The following RAD17 variants were observed in gnomAD, a reference collection of about 807,000 sequenced individuals.
RAD17 encodes the protein RAD17 checkpoint clamp loader component, also known as cell cycle checkpoint protein RAD17.
Under a neutral mutation model 81.5 loss-of-function variants are expected in RAD17, and 31 were observed. The observed-to-expected ratio is 0.38, with a 90% CI of 0.29 to 0.51. The LOEUF (loss-of-function observed/expected upper bound fraction) is 0.51, where lower values mean the gene tolerates loss of function less well. Among genes scored for constraint, RAD17 ranks in the 20% least tolerant of loss-of-function variants. The probability of loss-of-function intolerance (pLI) is 0.88; values close to 1 mark genes in which losing one functional copy is unlikely to be tolerated. For missense variants in RAD17, 681 were observed against 781.2 expected (o/e 0.87, Z 1.53); for synonymous variants, 261 against 266.2 (o/e 0.98, Z 0.19).
chr5:69,401,761 G>A (rs1256048491), intron 17 of RAD17, among the ~76,000 whole-genome samples: 5 of 151,872 alleles, frequency 3.3e-5, no homozygotes, highest in Admixed American at 6.6e-5. Context: ...GCCAAGACGG[G>A]CGGATCACAA....
Position 69,372,148 on chromosome 5 carries a change from A to G in RAD17, c.-61A>G. 1 of 1,567,002 alleles carries G rather than the reference A, an allele frequency of 6.4e-7. No homozygotes were observed. Among genetic ancestry groups the G allele is most frequent in the Non-Finnish European group, 8.7e-7 (1 of 1,151,786 alleles). ...AATGAAAGATATTTTCATACTCTCA[A>G]AAATATAGAGGAAAGGGGCCAAGAT... is the stretch of plus-strand genomic sequence containing the variant. On this transcript the variant is annotated 5_prime_UTR_variant, in exon 4 of 19. Transcript: ENST00000354868.
rs1428127552 is a variant in RAD17 at position 69,374,098 on chromosome 5, G to A, written c.267+11G>A. The stretch of plus-strand genomic sequence containing the variant: ...AAACCAGAAACTCAGGTACTGAAAA[G>A]CATGCAGACATATCTACATAATTTA... On this transcript the variant is annotated intron_variant, in intron 5 of 18. Coordinates refer to ENST00000354868, the MANE Select transcript of RAD17 (RefSeq NM_133338.3). 1.3e-6 allele frequency: 2 copies of A among 1,597,768 alleles called. No homozygotes were observed. Among genetic ancestry groups the A allele is most frequent in the South Asian group, 2.3e-5 (2 of 88,822 alleles).
chr5:69,369,353 C>A (rs1762737706), upstream of RAD17: 2 of 1,251,146 alleles, frequency 1.6e-6, no homozygotes, highest in Non-Finnish European at 1.1e-6. Context: ...TGGCCCTCGG[C>A]CGGCCTCTGA....
chr5:69,396,810 G>A (rs1038777230), intron 16 of RAD17, among the ~76,000 whole-genome samples: 2 of 151,960 alleles, frequency 1.3e-5, no homozygotes, highest in Non-Finnish European at 2.9e-5. Context: ...GAATCAAAGC[G>A]TAGTTACATT....
In RAD17 at chr5:69,374,699, GCAA is replaced by G; in HGVS notation, c.341_343del (p.Gln114del). The stretch of plus-strand genomic sequence containing the variant: ...GGTTAAAAGCTCAAGTTTTAGAAAG[GCAA>G]CCAAAACAGGTAACTAAGAAATGTG... On this transcript the variant is annotated inframe_deletion, in exon 6 of 19. Transcript: ENST00000354868. The G allele has an allele frequency of 6.2e-7, 1 of 1,609,330 alleles. No individual in the cohort carries two copies. The highest frequency in any genetic ancestry group is 8.5e-7 in the Non-Finnish European group (1 of 1,177,514).
At chr5:69,383,791 C>G (rs1418902189) in intron 7 of RAD17, among the ~76,000 whole-genome samples, 1 of 152,170 alleles carries the variant, frequency 6.6e-6, no homozygotes, top group Admixed American at 6.5e-5. Context: ...GCTGGGACTA[C>G]AGACGTGTGT....
At chr5:69,400,264 C>T in intron 17 of RAD17, 95 bp downstream of exon 17, 1 of 891,212 alleles carries the variant, frequency 1.1e-6, no homozygotes, top group Non-Finnish European at 1.5e-6. Flanking sequence ...ACTGTCCAGG[C>T]TGGATTGCGG....
intron 12 of RAD17, 101 bp from the exon 13 acceptor site, chr5:69,391,728 CAA>C: frequency 1.0e-6 from 1 of 970,132 alleles, no homozygotes; most frequent in Non-Finnish European, 1.4e-6. Context: ...ATTAGGAAAA[CAA>C]ATTGTAATTA....
rs754005473 is a variant in RAD17, at chr5:69,389,168, T to C, written c.1006+23T>C. On this transcript the variant is annotated intron_variant, in intron 12 of 18. Coordinates refer to ENST00000354868, the MANE Select transcript of RAD17 (RefSeq NM_133338.3). ...AAGGTAACTATGGAAGATACAGTCA[T>C]GTGGCATTATATAGGTGACTGACTT... 4 of 1,416,410 alleles carry C rather than the reference T, an allele frequency of 2.8e-6. No individual in the cohort carries two copies. In the South Asian group the frequency reaches 3.9e-5, roughly 14 times the overall value. 87.7% of individuals were successfully genotyped at this position (1,416,410 alleles called of 1,614,324 possible). A position where few individuals can be genotyped will look rare whatever the true frequency, so the allele number is the denominator to read the frequency against.
chr5:69,412,305 TTTTA>T (rs1766062044), intron 18 of RAD17, among the ~76,000 whole-genome samples: 1 of 152,174 alleles, frequency 6.6e-6, no homozygotes, highest in Non-Finnish European at 1.5e-5. Flanking sequence ...TGGTACTATC[TTTTA>T]TTTATGTTGA....
chr5:69,409,526 TATGC>T lies in RAD17; in HGVS notation c.1694-966_1694-963del, dbSNP rs1765837256. Among the ~76,000 whole-genome samples the T allele has an allele frequency of 3.3e-5, 5 of 152,324 alleles. No individual in the cohort carries two copies. In the East Asian group the frequency reaches 9.6e-4, roughly 29 times the overall value. ...TGAATAGATCTTTTCTCATTTGCTGTATGCTATTAGGACAATTTCCAGAGACTTC... is the reference window on the plus strand; with the variant it reads ...TGAATAGATCTTTTCTCATTTGCTGTTATTAGGACAATTTCCAGAGACTTC... On this transcript the variant is annotated intron_variant, in intron 17 of 18. Coordinates refer to ENST00000354868, the MANE Select transcript of RAD17 (RefSeq NM_133338.3).
intron 6 of RAD17, among the ~76,000 whole-genome samples, chr5:69,379,876 A>T (rs562118470): frequency 5.6e-4 from 84 of 151,334 alleles, no homozygotes; most frequent in Non-Finnish European, 9.7e-4. Flanking sequence ...GCTGTTTTAT[A>T]GTTAACTTCT....
chr5:69,391,967 T>G lies in RAD17; in HGVS notation c.1143T>G (p.Val381=). The part of the protein sequence containing the change: ...QEVQAIGGKD[V]SLFLFRALGK... ...TCCAAGCTATTGGTGGCAAAGATGTTTCTCTGTTTCTCTTCAGAGCTTTGG... is the reference window on the plus strand; with the variant it reads ...TCCAAGCTATTGGTGGCAAAGATGTGTCTCTGTTTCTCTTCAGAGCTTTGG... The change falls in exon 13 of 19, where the codon GTT becomes GTG. Residue 381 remains valine, a synonymous_variant. Coordinates refer to ENST00000354868, the MANE Select transcript of RAD17 (RefSeq NM_133338.3). 1 of 1,566,934 alleles carries G rather than the reference T, an allele frequency of 6.4e-7. No homozygotes were observed. The highest frequency in any genetic ancestry group is 8.6e-7 in the Non-Finnish European group (1 of 1,165,042).
rs1370082029 is a variant in RAD17 at position 69,379,675 on chromosome 5, A to C, written c.352-2226A>C. Among the ~76,000 whole-genome samples the C allele has an allele frequency of 2.0e-5, 3 of 152,086 alleles. No individual in the cohort carries two copies. In the East Asian group the frequency reaches 5.8e-4, roughly 29 times the overall value. On this transcript the variant is annotated intron_variant, in intron 6 of 18. Coordinates refer to ENST00000354868, the MANE Select transcript of RAD17 (RefSeq NM_133338.3). ...AAAAAAATTTTTAAGCTTCTTTTAA[A>C]ATTAGAAATGAAGACACAAACACAC... is the stretch of plus-strand genomic sequence containing the variant.
chr5:69,389,546 T>A (rs891484061), intron 12 of RAD17, among the ~76,000 whole-genome samples: 2 of 150,992 alleles, frequency 1.3e-5, no homozygotes, highest in African/African-American at 4.9e-5. Context: ...TATTATAGAG[T>A]GCTTCTTACA....
Position 69,408,506 on chromosome 5 carries a change from CTTTTTTTTTT to C in RAD17, c.1694-1972_1694-1963del, listed in dbSNP as rs913594965. 1.6e-3 allele frequency among the ~76,000 whole-genome samples: 143 copies of C among 88,460 alleles called. 1 individual carries two copies. The highest frequency in any genetic ancestry group is 6.2e-3 in the African/African-American group (137 of 22,052). 58.0% of individuals were successfully genotyped at this position (88,460 alleles called of 152,430 possible). ...ATCACACTGTTGGCTACCCTAATTA[CTTTTTTTTTT>C]TTTTTTTTTTTTTTGAGGAAAGAGT... On this transcript the variant is annotated intron_variant, in intron 17 of 18. Transcript: ENST00000354868.
intron 6 of RAD17, among the ~76,000 whole-genome samples, chr5:69,380,911 G>A (rs896899751): frequency 7.3e-5 from 11 of 151,652 alleles, no homozygotes; most frequent in Non-Finnish European, 1.0e-4. Context: ...GACTATAGGC[G>A]CACACCACCA....
At chr5:69,394,638 A>G (rs1764770730) in intron 15 of RAD17, among the ~76,000 whole-genome samples, 1 of 152,162 alleles carries the variant, frequency 6.6e-6, no homozygotes, top group Non-Finnish European at 1.5e-5. Context: ...CCACATCTCC[A>G]GTACTTGATA....
At chr5:69,393,629 TA>T in intron 15 of RAD17, 129 bp downstream of exon 15, 1 of 831,164 alleles carries the variant, frequency 1.2e-6, no homozygotes, top group Non-Finnish European at 1.8e-6. Flanking sequence ...ATGCTAAAGT[TA>T]ATGTAACCAA....
Sources: allele counts gnomAD v4.1 joint callset (sites outside exome capture counted in the v4.1 genomes callset), GRCh38; gene constraint gnomAD v4.1.1; transcripts MANE v1.5; gene names NCBI Gene and HGNC (gene_info 2026-07-23, HGNC 2026-07-21).